The following PCDHGA3 variants were observed in gnomAD, a reference collection of about 807,000 sequenced individuals.
PCDHGA3 encodes protocadherin gamma subfamily A, 3, also known as protocadherin gamma-A3.
A neutral mutation model predicts 58.5 loss-of-function variants in PCDHGA3; 40 were observed. That is an observed-to-expected ratio of 0.68 (90% CI 0.53 to 0.89). PCDHGA3 has a LOEUF of 0.89. Among genes scored for constraint, PCDHGA3 ranks in the 40% least tolerant of loss-of-function variants. The probability of loss-of-function intolerance (pLI) is 0.00; values close to 1 mark genes in which losing one functional copy is unlikely to be tolerated. For missense variants in PCDHGA3, 1,223 were observed against 1,195.9 expected (o/e 1.02, Z -0.33); for synonymous variants, 530 against 525.7 (o/e 1.01, Z -0.11).
chr5:141,380,433 A>C (rs1228885429), intron 1 of PCDHGA3, among the ~76,000 whole-genome samples: 1 of 152,256 alleles, frequency 6.6e-6, no homozygotes, highest in Non-Finnish European at 1.5e-5. Flanking sequence ...TAGACTTTAC[A>C]TAGAATTCTT....
In PCDHGA3 at chr5:141,491,158, GA is replaced by G; in HGVS notation, c.2425-3648del. On this transcript the variant is annotated intron_variant, in intron 1 of 3. Transcript: ENST00000253812. This position sits in a 1 kb window ranked among gnomAD's most constrained non-coding sequence, Gnocchi z 6.9. ...CCGGGCCTTACTGGAGGATGACTCT[GA>G]CACCCAGCAGGTGGTGGTCCTGGTG... 6.2e-7 allele frequency: 1 copy of G among 1,614,130 alleles called. No homozygotes were observed. The highest frequency in any genetic ancestry group is 8.5e-7 in the Non-Finnish European group (1 of 1,179,972).
intron 1 of PCDHGA3, chr5:141,371,702 GACC>G (rs768822916): frequency 1.1e-5 from 18 of 1,613,922 alleles, no homozygotes; most frequent in Non-Finnish European, 1.7e-6. Context: ...CCTCCAGCAA[GACC>G]ATCACTCTGC....
chr5:141,403,026 AGGCCAG>A, intron 1 of PCDHGA3: 1 of 1,614,074 alleles, frequency 6.2e-7, no homozygotes, highest in Non-Finnish European at 8.5e-7. Context: ...ATGCTATGGG[AGGCCAG>A]GGCCAGTCAG....
intron 1 of PCDHGA3, chr5:141,427,356 G>A (rs1295421809): frequency 8.7e-6 from 4 of 457,618 alleles, no homozygotes; most frequent in Non-Finnish European, 1.8e-5. Context: ...AACTGAGGAC[G>A]CAGAACCCTG....
intron 1 of PCDHGA3, chr5:141,408,226 G>T (rs909432449): frequency 2.1e-5 from 33 of 1,562,288 alleles, no homozygotes; most frequent in Admixed American, 3.9e-5. Flanking sequence ...GCGCGCAGAG[G>T]CGCCGGGCCG....
intron 1 of PCDHGA3, among the ~76,000 whole-genome samples, chr5:141,381,472 A>G (rs1777217104): frequency 6.6e-6 from 1 of 152,246 alleles, no homozygotes; most frequent in Non-Finnish European, 1.5e-5. Context: ...AATGCTGTCT[A>G]GAGATCCCTG....
intron 1 of PCDHGA3, chr5:141,382,996 T>C (rs1296495835): frequency 6.2e-7 from 1 of 1,613,724 alleles, no homozygotes; most frequent in East Asian, 2.2e-5. Context: ...ACGTATTCTC[T>C]ACTCCGTGTC....
chr5:141,393,498 C>T lies in PCDHGA3; in HGVS notation c.2424+47041C>T, dbSNP rs780199451. The T allele has an allele frequency of 3.1e-6, 5 of 1,613,952 alleles. No homozygotes were observed. The highest frequency in any genetic ancestry group is 1.6e-4 in the Middle Eastern group (1 of 6,084). ...GCCTCGCTCTAGCACAGTGCGCATC[C>T]ACGTGACAGTGTTGGATACAAATGA... On this transcript the variant is annotated intron_variant, in intron 1 of 3. Transcript: ENST00000253812.
intron 1 of PCDHGA3, chr5:141,414,747 C>T (rs556012378): frequency 6.2e-7 from 1 of 1,614,214 alleles, no homozygotes; most frequent in African/African-American, 1.3e-5. Flanking sequence ...TCAGATCCTT[C>T]GACTATGAGC....
At chr5:141,357,472 T>C in intron 1 of PCDHGA3, 1 of 1,614,168 alleles carries the variant, frequency 6.2e-7, no homozygotes, top group Non-Finnish European at 8.5e-7. Context: ...CCACGAGGTC[T>C]CCCTCACCGC....
intron 1 of PCDHGA3, among the ~76,000 whole-genome samples, chr5:141,451,395 A>G (rs2098715118): frequency 6.6e-6 from 1 of 152,184 alleles, no homozygotes; most frequent in Admixed American, 6.6e-5. Context: ...AGTTAATGGC[A>G]AAATTAAGTT....
At chr5:141,409,776 T>C in intron 1 of PCDHGA3, 1 of 1,612,708 alleles carries the variant, frequency 6.2e-7, no homozygotes, top group Non-Finnish European at 8.5e-7. Context: ...CACGAGCAGC[T>C]GCGCGCCTTC....
chr5:141,355,669 G>A, intron 1 of PCDHGA3: 4 of 1,614,022 alleles, frequency 2.5e-6, no homozygotes, highest in Non-Finnish European at 3.4e-6. Context: ...TCTTCCTGAA[G>A]CTTTTGATCC....
At chr5:141,360,326 G>A (rs1761537998) in intron 1 of PCDHGA3, 4 of 1,613,816 alleles carry the variant, frequency 2.5e-6, no homozygotes, top group Non-Finnish European at 2.5e-6. Flanking sequence ...TTGCCAGCCC[G>A]GAAGCTGCGG....
intron 2 of PCDHGA3, among the ~76,000 whole-genome samples, chr5:141,495,119 C>T (rs1024197360): frequency 3.9e-5 from 6 of 152,182 alleles, no homozygotes; most frequent in African/African-American, 1.4e-4. Context: ...CTTTTCCTAT[C>T]CCCTGAGGGC....
At chr5:141,392,809 C>T in intron 1 of PCDHGA3, 1 of 1,578,772 alleles carries the variant, frequency 6.3e-7, no homozygotes, top group African/African-American at 1.4e-5. Flanking sequence ...TGCAGCAAAA[C>T]AACAATGGCC....
At chr5:141,389,564 G>A in intron 1 of PCDHGA3, 1 of 1,613,244 alleles carries the variant, frequency 6.2e-7, no homozygotes, top group East Asian at 2.2e-5. Context: ...CGCCACGGGT[G>A]CTGTACCCCG....
intron 1 of PCDHGA3, among the ~76,000 whole-genome samples, chr5:141,492,490 G>C (rs2099741140): frequency 6.6e-6 from 1 of 152,208 alleles, no homozygotes; most frequent in Non-Finnish European, 1.5e-5. Context: ...CCAGGACCAG[G>C]CGAGGACTCC....
At chr5:141,366,193 G>T (rs1192545271) in intron 1 of PCDHGA3, 2 of 1,613,934 alleles carry the variant, frequency 1.2e-6, no homozygotes, top group Admixed American at 3.3e-5. Flanking sequence ...CGGTTGGGCT[G>T]CACACGGGCG....
Sources: allele counts gnomAD v4.1 joint callset (sites outside exome capture counted in the v4.1 genomes callset), GRCh38; gene constraint gnomAD v4.1.1; non-coding constraint Gnocchi (gnomAD v3.1); transcripts MANE v1.5; gene names NCBI Gene and HGNC (gene_info 2026-07-23, HGNC 2026-07-21).